SIL1: variants seen among roughly 807,000 people sequenced by gnomAD.
The protein encoded by SIL1 is SIL1 nucleotide exchange factor.
Under a neutral mutation model 49.1 loss-of-function variants are expected in SIL1, and 40 were observed. The ratio of observed to expected loss-of-function variants is 0.81; its 90% CI spans 0.63 to 1.06. The LOEUF (loss-of-function observed/expected upper bound fraction) is 1.06, where lower values mean the gene tolerates loss of function less well. Among genes scored for constraint, SIL1 ranks in the 50% least tolerant of loss-of-function variants. The pLI, the probability that SIL1 is intolerant of heterozygous loss-of-function variation, is 0.00. For missense variants in SIL1, 500 were observed against 572.6 expected, an observed-to-expected ratio of 0.87 and a Z score of 1.29; for synonymous variants, 253 against 250.8, an observed-to-expected ratio of 1.01 and a Z score of -0.08.
chr5:139,037,952 T>C (rs1768955256), intron 5 of SIL1, among the ~76,000 whole-genome samples: 2 of 152,146 alleles, frequency 1.3e-5, no homozygotes. Context: ...AAGGAATGAG[T>C]CGACGTGGTT....
chr5:138,971,783 A>C (rs1184788381), intron 7 of SIL1, among the ~76,000 whole-genome samples: 1 of 152,198 alleles, frequency 6.6e-6, no homozygotes, highest in African/African-American at 2.4e-5. Flanking sequence ...AAAAGCTGCC[A>C]CTTTGCTCAA....
chr5:139,081,413 C>A (rs1159967474), intron 3 of SIL1, among the ~76,000 whole-genome samples: 4 of 152,138 alleles, frequency 2.6e-5, no homozygotes, highest in Admixed American at 2.6e-4. Context: ...TGCCTCCATA[C>A]CCAGCTAACA....
chr5:139,072,805 C>G (rs1769863426), intron 3 of SIL1, among the ~76,000 whole-genome samples: 1 of 152,154 alleles, frequency 6.6e-6, no homozygotes, highest in South Asian at 2.1e-4. Flanking sequence ...TACTTGCAAA[C>G]TGTACATCTG....
intron 3 of SIL1, chr5:139,051,257 T>TGACG: frequency 1.7e-6 from 1 of 588,756 alleles, no homozygotes. Flanking sequence ...TGTAAGGGAA[T>TGACG]GACGTAAGAT....
intron 3 of SIL1, among the ~76,000 whole-genome samples, chr5:139,094,146 A>G (rs537295066): frequency 6.6e-6 from 1 of 152,166 alleles, no homozygotes; most frequent in African/African-American, 2.4e-5. Context: ...TCTCATTTCC[A>G]TGCTGAGCAA....
At chr5:139,121,689 G>A (rs1415666582) in intron 2 of SIL1, among the ~76,000 whole-genome samples, 1 of 152,202 alleles carries the variant, frequency 6.6e-6, no homozygotes, top group East Asian at 1.9e-4. Flanking sequence ...AAGCAGCCCA[G>A]CAGGGCACAA....
chr5:139,191,649 G>C (rs1752173982), intron 1 of SIL1, among the ~76,000 whole-genome samples: 1 of 152,020 alleles, frequency 6.6e-6, no homozygotes, highest in Non-Finnish European at 1.5e-5. Context: ...AAATTAGCCA[G>C]GCATGGTGGT....
chr5:139,152,791 T>C (rs995844780), intron 1 of SIL1, among the ~76,000 whole-genome samples: 1 of 152,112 alleles, frequency 6.6e-6, no homozygotes, highest in Non-Finnish European at 1.5e-5. Context: ...CCAGCCCTGA[T>C]CAACATCAGC....
At chr5:138,970,858 TG>T (rs1767254603) in intron 7 of SIL1, among the ~76,000 whole-genome samples, 1 of 150,830 alleles carries the variant, frequency 6.6e-6, no homozygotes, top group Admixed American at 6.6e-5. Flanking sequence ...GCCAAAATTG[TG>T]GTGAGCCAAG....
chr5:139,072,178 G>T (rs1434668294), intron 3 of SIL1, among the ~76,000 whole-genome samples: 1 of 152,078 alleles, frequency 6.6e-6, no homozygotes, highest in African/African-American at 2.4e-5. Flanking sequence ...TATAGGAAGG[G>T]TCCATTTGGG....
intron 1 of SIL1, among the ~76,000 whole-genome samples, chr5:139,182,037 C>T (rs1222533479): frequency 2.6e-5 from 4 of 151,966 alleles, no homozygotes; most frequent in African/African-American, 9.7e-5. Context: ...TGAATTTAAA[C>T]GAGCAGTAAA....
At chr5:139,057,955 G>T (rs754562027) in intron 3 of SIL1, among the ~76,000 whole-genome samples, 12 of 152,160 alleles carry the variant, frequency 7.9e-5, no homozygotes, top group Admixed American at 6.5e-5. Context: ...GAACTCTCAT[G>T]ACCTCATCAC....
chr5:138,962,644 T>A (rs190855746), intron 7 of SIL1, among the ~76,000 whole-genome samples: 1 of 152,372 alleles, frequency 6.6e-6, no homozygotes, highest in East Asian at 1.9e-4. Flanking sequence ...ACTTTTCTGC[T>A]AAGACAGAAT....
At chr5:138,995,617 A>G (rs900328729) in intron 7 of SIL1, among the ~76,000 whole-genome samples, 1 of 152,224 alleles carries the variant, frequency 6.6e-6, no homozygotes, top group East Asian at 1.9e-4. Flanking sequence ...AGATTATTGT[A>G]AACTATAGTC....
At chr5:139,067,022 CTTTA>C (rs1384365866) in intron 3 of SIL1, among the ~76,000 whole-genome samples, 1 of 152,184 alleles carries the variant, frequency 6.6e-6, no homozygotes, top group Non-Finnish European at 1.5e-5. Context: ...GTCAGAACAT[CTTTA>C]TATTCCCTGC....
At chr5:139,039,944 T>C in intron 5 of SIL1, among the ~76,000 whole-genome samples, 1 of 152,196 alleles carries the variant, frequency 6.6e-6, no homozygotes, top group East Asian at 1.9e-4. Context: ...CGGGAAAGAC[T>C]GATTCACTTA....
At chr5:139,161,691 G>T (rs926575825) in intron 1 of SIL1, among the ~76,000 whole-genome samples, 1 of 151,986 alleles carries the variant, frequency 6.6e-6, no homozygotes, top group Non-Finnish European at 1.5e-5. Flanking sequence ...TTACTCCCAG[G>T]AGCTTGGAGC....
At position 139,087,354 on chromosome 5, in the gene SIL1, TC is replaced by T. The variant is rs1237256841; in HGVS notation, c.244+33680del. ...CTTAGAAATGATAGGTGCCATGAGG[TC>T]CATGCTGTGTGGGGAAGAGTGAGGC... is the stretch of plus-strand genomic sequence containing the variant. On this transcript the variant is annotated intron_variant, in intron 3 of 9. Transcript: ENST00000394817. Among the ~76,000 whole-genome samples, 14 of 152,160 alleles carry T rather than the reference TC, an allele frequency of 9.2e-5. No individual in the cohort carries two copies. In the East Asian group the frequency reaches 2.7e-3, roughly 29 times the overall value.
intron 1 of SIL1, chr5:139,196,359 C>T (rs969061016): frequency 1.3e-5 from 2 of 152,216 alleles, no homozygotes; most frequent in African/African-American, 4.8e-5. Context: ...CCACCTACAC[C>T]TGCACACATC....
Sources: gnomAD v4.1 joint callset for allele counts (sites outside exome capture counted in the v4.1 genomes callset) on GRCh38, gnomAD v4.1.1 for gene constraint, MANE v1.5 for transcripts, NCBI Gene and HGNC (gene_info 2026-07-23, HGNC 2026-07-21) for gene names.